The following AKT3 variants were observed in gnomAD, a reference collection of about 807,000 sequenced individuals.
AKT3 encodes the protein AKT serine/threonine kinase 3, also known as RAC-gamma serine/threonine-protein kinase.
A neutral mutation model predicts 65.3 loss-of-function variants in AKT3; 15 were observed. The ratio of observed to expected loss-of-function variants is 0.23; its 90% CI spans 0.15 to 0.35. The LOEUF (loss-of-function observed/expected upper bound fraction) is 0.35, where lower values mean the gene tolerates loss of function less well. AKT3 is among the 10% of genes least tolerant of loss of function. The pLI is 1.00. For missense variants in AKT3, 243 were observed against 576.5 expected, an observed-to-expected ratio of 0.42 and a Z score of 5.92; for synonymous variants, 206 against 183.8, an observed-to-expected ratio of 1.12 and a Z score of -0.98.
chr1:243,544,576 G>A (rs552567269), intron 12 of AKT3, among the ~76,000 whole-genome samples: 2 of 152,160 alleles, frequency 1.3e-5, no homozygotes, highest in South Asian at 4.2e-4. Context: ...TGATCGTGCC[G>A]TGCCACTGCA....
At chr1:243,641,657 T>C (rs2147827834) in intron 5 of AKT3, among the ~76,000 whole-genome samples, 1 of 152,242 alleles carries the variant, frequency 6.6e-6, no homozygotes, top group South Asian at 2.1e-4. Context: ...TATTCTTGGC[T>C]GGGCGTGGTG....
intron 8 of AKT3, among the ~76,000 whole-genome samples, chr1:243,582,720 G>A (rs1313647353): frequency 6.6e-6 from 1 of 152,054 alleles, no homozygotes; most frequent in Non-Finnish European, 1.5e-5. Flanking sequence ...AAGGCAACCA[G>A]CTAATAACTT....
Position 243,563,604 on chromosome 1 carries a change from A to G in AKT3, c.948+116T>C, listed in dbSNP as rs188403410. 602 of 1,300,442 alleles carry G rather than the reference A, an allele frequency of 4.6e-4. 2 individuals are homozygous for G. Among genetic ancestry groups the G allele is most frequent in the Admixed American group, 7.1e-4 (26 of 36,518 alleles). The allele number at this position is 1,300,442 out of a possible 1,614,324, so 80.6% of individuals were successfully genotyped here. The stretch of plus-strand genomic sequence containing the variant: ...ATTAAGAGCCAAAAAATTTTGATTC[A>G]GGTTGAAATATAGATAAAAGTAGTA... On this transcript the variant is annotated intron_variant, in intron 10 of 13. Coordinates refer to ENST00000673466, the MANE Select transcript of AKT3 (RefSeq NM_005465.7).
chr1:243,799,429 G>A (rs1692246953), intron 2 of AKT3, among the ~76,000 whole-genome samples: 2 of 152,158 alleles, frequency 1.3e-5, no homozygotes. Flanking sequence ...AACTATGGTT[G>A]TAAAAACTAT....
In AKT3 at chr1:243,664,761, G is replaced by C; in HGVS notation, c.284+11C>G. The C allele has an allele frequency of 7.2e-7, 1 of 1,397,068 alleles. No individual in the cohort carries two copies. The highest frequency in any genetic ancestry group is 9.7e-7 in the Non-Finnish European group (1 of 1,035,206). The allele number at this position is 1,397,068 out of a possible 1,614,324, so 86.5% of individuals were successfully genotyped here. Reference sequence around the variant, plus strand: ...GCTTTTTCACAAAATGAAAACAAGTGAATTTCTTACCTTTCCTCTGGAGTA... The same window carrying C: ...GCTTTTTCACAAAATGAAAACAAGTCAATTTCTTACCTTTCCTCTGGAGTA... On this transcript the variant is annotated intron_variant, in intron 4 of 13. Transcript: ENST00000673466.
At chr1:243,728,741 G>A (rs967905612) in intron 2 of AKT3, among the ~76,000 whole-genome samples, 1 of 152,164 alleles carries the variant, frequency 6.6e-6, no homozygotes, top group African/African-American at 2.4e-5. Context: ...TAAAGTACGT[G>A]TCATTAAAAG....
At chr1:243,536,629 AT>A (rs1297013630) in intron 12 of AKT3, among the ~76,000 whole-genome samples, 1 of 151,996 alleles carries the variant, frequency 6.6e-6, no homozygotes, top group African/African-American at 2.4e-5. Context: ...TCTAGGTGAG[AT>A]TTTTTGTAAG....
chr1:243,642,811 C>A (rs1410512038), intron 5 of AKT3, among the ~76,000 whole-genome samples: 1 of 152,070 alleles, frequency 6.6e-6, no homozygotes, highest in Non-Finnish European at 1.5e-5. Context: ...ATCAGGCACA[C>A]CAGAATATAA....
intron 3 of AKT3, among the ~76,000 whole-genome samples, chr1:243,670,530 T>A (rs1683087851): frequency 6.6e-6 from 1 of 152,156 alleles, no homozygotes; most frequent in Non-Finnish European, 1.5e-5. Context: ...TACGTAAAGA[T>A]TCCCAACGCA....
At chr1:243,647,258 TAC>T (rs1211569289) in intron 4 of AKT3, among the ~76,000 whole-genome samples, 1 of 152,208 alleles carries the variant, frequency 6.6e-6, no homozygotes, top group African/African-American at 2.4e-5. Flanking sequence ...CTAAGATTAT[TAC>T]ACTGTATTTT....
chr1:243,610,330 C>A (rs1190885079), intron 8 of AKT3, among the ~76,000 whole-genome samples: 1 of 152,106 alleles, frequency 6.6e-6, no homozygotes, highest in African/African-American at 2.4e-5. Flanking sequence ...TGTGAAGCAC[C>A]AACTATGTAC....
intron 6 of AKT3, among the ~76,000 whole-genome samples, chr1:243,630,371 A>C (rs553309342): frequency 2.2e-4 from 33 of 152,266 alleles, no homozygotes; most frequent in African/African-American, 7.7e-4. Flanking sequence ...AATTCCTCTA[A>C]ATCTGTGGAC....
In AKT3 at chr1:243,501,510, A is replaced by G. The variant is rs184373409; in HGVS notation, c.*3739T>C. 5.3e-4 allele frequency: 124 copies of G among 233,186 alleles called. No homozygotes were observed. The highest frequency in any genetic ancestry group is 2.3e-3 in the African/African-American group (104 of 45,400). The allele number at this position is 233,186 out of a possible 1,614,324, so 14.4% of individuals were successfully genotyped here. A position where few individuals can be genotyped will look rare whatever the true frequency, so the allele number is the denominator to read the frequency against. ...CATCCATCCTAAATCCAGTGCTGAG[A>G]GGTCAGCGTTTCCCCTCAGAAGCAG... On this transcript the variant is annotated 3_prime_UTR_variant, in exon 14 of 14. Coordinates refer to ENST00000673466, the MANE Select transcript of AKT3 (RefSeq NM_005465.7).
rs142700871 is a variant in AKT3, at chr1:243,619,622, T to C, written c.562-4461A>G. ...TATTTGTCTTTCTGTGCCTGGCTTA[T>C]TTCACTTAACATAATGGGTTCCATT... On this transcript the variant is annotated intron_variant, in intron 6 of 13. Transcript: ENST00000673466. 3.7e-3 allele frequency among the ~76,000 whole-genome samples: 366 copies of C among 99,460 alleles called. 48 individuals carry two copies. The highest frequency in any genetic ancestry group is 9.1e-3 in the African/African-American group (353 of 38,616). The allele number at this position is 99,460 out of a possible 152,430, so 65.2% of individuals were successfully genotyped here.
chr1:243,773,596 G>A (rs2148285871), intron 2 of AKT3, among the ~76,000 whole-genome samples: 1 of 152,174 alleles, frequency 6.6e-6, no homozygotes, highest in East Asian at 1.9e-4. Flanking sequence ...CTGTGCCCCA[G>A]CCTGGGCAAC....
chr1:243,768,009 T>A (rs1044261693), intron 2 of AKT3, among the ~76,000 whole-genome samples: 1 of 151,582 alleles, frequency 6.6e-6, no homozygotes, highest in Non-Finnish European at 1.5e-5. Context: ...GGGAAAAAAA[T>A]AAAGCATAAA....
chr1:243,772,247 C>G (rs1425167706), intron 2 of AKT3, among the ~76,000 whole-genome samples: 2 of 151,978 alleles, frequency 1.3e-5, no homozygotes, highest in Admixed American at 1.3e-4. Flanking sequence ...TCAGAGTGAA[C>G]AGGCAACCTA....
chr1:243,528,674 A>G (rs1237197234), intron 12 of AKT3, among the ~76,000 whole-genome samples: 4 of 152,208 alleles, frequency 2.6e-5, no homozygotes, highest in African/African-American at 7.2e-5. Context: ...TGATGACTGC[A>G]TAGTATTCCA....
At chr1:243,715,157 A>G (rs557305176) in intron 2 of AKT3, among the ~76,000 whole-genome samples, 49 of 152,206 alleles carry the variant, frequency 3.2e-4, no homozygotes, top group Non-Finnish European at 6.2e-4. Context: ...ATCTGTCTTT[A>G]GAAGAAAGAC....
Sources: gnomAD v4.1 joint callset for allele counts (sites outside exome capture counted in the v4.1 genomes callset) on GRCh38, gnomAD v4.1.1 for gene constraint, MANE v1.5 for transcripts, NCBI Gene and HGNC (gene_info 2026-07-23, HGNC 2026-07-21) for gene names.